SNCAIP: variants seen among roughly 807,000 people sequenced by gnomAD.
SNCAIP encodes the protein synphilin-1.
A neutral mutation model predicts 86.7 loss-of-function variants in SNCAIP; 43 were observed. The observed-to-expected ratio is 0.50, with a 90% CI of 0.39 to 0.64. SNCAIP has a LOEUF of 0.64. Ranked by LOEUF, SNCAIP falls within the 30% of genes least tolerant of loss-of-function variation. SNCAIP has a pLI of 0.00. For synonymous variants in SNCAIP, 417 were observed against 427.2 expected, an observed-to-expected ratio of 0.98 and a Z score of 0.29; for missense variants, 981 against 1,103.1, an observed-to-expected ratio of 0.89 and a Z score of 1.57.
intron 5 of SNCAIP, among the ~76,000 whole-genome samples, chr5:122,427,961 G>C (rs1274644682): frequency 6.6e-6 from 1 of 152,092 alleles, no homozygotes; most frequent in Non-Finnish European, 1.5e-5. Flanking sequence ...ACCACTTCTG[G>C]GATACCCAAG....
At chr5:122,448,545 C>T (rs1476409023) in intron 8 of SNCAIP, among the ~76,000 whole-genome samples, 1 of 142,248 alleles carries the variant, frequency 7.0e-6, no homozygotes, top group Non-Finnish European at 1.5e-5. Flanking sequence ...GAAGTATATC[C>T]TTCCATATTT....
intron 1 of SNCAIP, among the ~76,000 whole-genome samples, chr5:122,330,113 A>ATTTTTTTTT (rs1387266417): frequency 9.1e-5 from 11 of 120,358 alleles, no homozygotes; most frequent in African/African-American, 4.3e-4. Flanking sequence ...GTACAACTTC[A>ATTTTTTTTT]TTTCTTTTTT....
chr5:122,380,597 TG>T (rs1766508762), intron 1 of SNCAIP, among the ~76,000 whole-genome samples: 2 of 149,914 alleles, frequency 1.3e-5, no homozygotes, highest in South Asian at 4.4e-4. Context: ...TGAATGTGTT[TG>T]CTCTTGCTTT....
chr5:122,337,591 T>A (rs2152711848), intron 1 of SNCAIP, among the ~76,000 whole-genome samples: 1 of 152,270 alleles, frequency 6.6e-6, no homozygotes, highest in South Asian at 2.1e-4. Flanking sequence ...CAGGCTGGAG[T>A]GCAGTGGTGC....
intron 8 of SNCAIP, chr5:122,445,041 G>T (rs114146854): frequency 9.7e-6 from 4 of 410,904 alleles, no homozygotes; most frequent in Non-Finnish European, 1.8e-5. Flanking sequence ...ATTACAGAGC[G>T]CTGGAAGCAC....
At chr5:122,391,924 A>G (rs934329470) in intron 2 of SNCAIP, among the ~76,000 whole-genome samples, 2 of 152,174 alleles carry the variant, frequency 1.3e-5, no homozygotes, top group East Asian at 1.9e-4. Context: ...TGCCCCAGCA[A>G]AACTGGCTAA....
At chr5:122,374,339 C>T (rs538690777) in intron 1 of SNCAIP, among the ~76,000 whole-genome samples, 2 of 152,266 alleles carry the variant, frequency 1.3e-5, no homozygotes, top group South Asian at 4.1e-4. Flanking sequence ...GTTCTTACAG[C>T]CATCTCTTCA....
chr5:122,372,997 T>G (rs370097867), intron 1 of SNCAIP, among the ~76,000 whole-genome samples: 6 of 152,288 alleles, frequency 3.9e-5, no homozygotes, highest in Middle Eastern at 6.8e-3. Flanking sequence ...ATGTTATTGC[T>G]CTCATTTTTA....
intron 1 of SNCAIP, among the ~76,000 whole-genome samples, chr5:122,366,808 GT>G (rs1763292268): frequency 6.6e-6 from 1 of 151,652 alleles, no homozygotes; most frequent in African/African-American, 2.4e-5. Context: ...ATTCTGAAAG[GT>G]TTTCAACAGG....
At chr5:122,392,346 C>T (rs1417183811) in intron 2 of SNCAIP, among the ~76,000 whole-genome samples, 3 of 151,776 alleles carry the variant, frequency 2.0e-5, no homozygotes, top group African/African-American at 7.3e-5. Context: ...GTGGAGTGAG[C>T]TTCTTCCTTC....
intron 3 of SNCAIP, among the ~76,000 whole-genome samples, chr5:122,416,144 C>T (rs910808996): frequency 6.6e-6 from 1 of 152,228 alleles, no homozygotes; most frequent in South Asian, 2.1e-4. Flanking sequence ...AATGAGTTGT[C>T]ACTAAAACAA....
In SNCAIP at chr5:122,391,176, T is replaced by C. The variant is rs1301451595; in HGVS notation, c.42T>C (p.Phe14=). ...ACCTTGATTTGGATGAAATTGACTTTAGTGATGACATATCTGTAAGTACCA... is the reference window on the plus strand; with the variant it reads ...ACCTTGATTTGGATGAAATTGACTTCAGTGATGACATATCTGTAAGTACCA... The part of the protein sequence containing the change: ...PEYLDLDEID[F]SDDISYSVTS... Residue 14 remains phenylalanine (F), a synonymous_variant, in exon 2 of 11, where the codon TTT becomes TTC. Coordinates refer to ENST00000261368, the MANE Select transcript of SNCAIP (RefSeq NM_005460.4). The C allele has an allele frequency of 2.5e-6, 4 of 1,609,614 alleles. No homozygotes were observed. Among genetic ancestry groups the C allele is most frequent in the Non-Finnish European group, 3.4e-6 (4 of 1,176,050 alleles).
chr5:122,383,989 T>G (rs1767552094), intron 1 of SNCAIP, among the ~76,000 whole-genome samples: 1 of 152,220 alleles, frequency 6.6e-6, no homozygotes, highest in Admixed American at 6.5e-5. Flanking sequence ...CTATACACGT[T>G]TTGTTAATGA....
At chr5:122,392,548 G>A (rs1744679591) in intron 2 of SNCAIP, among the ~76,000 whole-genome samples, 1 of 152,186 alleles carries the variant, frequency 6.6e-6, no homozygotes, top group Admixed American at 6.5e-5. Context: ...TAGCATGGGT[G>A]TATGTAGGTA....
At chr5:122,377,385 T>C (rs1765549097) in intron 1 of SNCAIP, among the ~76,000 whole-genome samples, 1 of 152,150 alleles carries the variant, frequency 6.6e-6, no homozygotes, top group African/African-American at 2.4e-5. Context: ...TTTTATCTTC[T>C]CCTGCACAGC....
intron 10 of SNCAIP, chr5:122,452,877 C>A: frequency 8.4e-7 from 1 of 1,197,158 alleles, no homozygotes; most frequent in Non-Finnish European, 1.2e-6. Flanking sequence ...TGTGCATGTG[C>A]TGAGCTTGTT....
chr5:122,448,696 ATATT>A (rs1224307647), intron 8 of SNCAIP, among the ~76,000 whole-genome samples: 18 of 128,130 alleles, frequency 1.4e-4, no homozygotes, highest in Admixed American at 2.6e-4. Flanking sequence ...TATATTATAT[ATATT>A]ATATACATAT....
At chr5:122,449,168 T>C (rs1783171191) in intron 8 of SNCAIP, among the ~76,000 whole-genome samples, 1 of 152,180 alleles carries the variant, frequency 6.6e-6, no homozygotes, top group Admixed American at 6.5e-5. Flanking sequence ...ACCTTAAGCG[T>C]GTTCAGACCA....
At chr5:122,395,465 C>G (rs1770403034) in intron 2 of SNCAIP, among the ~76,000 whole-genome samples, 1 of 152,116 alleles carries the variant, frequency 6.6e-6, no homozygotes, top group Non-Finnish European at 1.5e-5. Flanking sequence ...TAATAAGTAT[C>G]CTTCCACTTT....
Sources: gnomAD v4.1 joint callset for allele counts (sites outside exome capture counted in the v4.1 genomes callset) on GRCh38, gnomAD v4.1.1 for gene constraint, MANE v1.5 for transcripts, NCBI Gene and HGNC (gene_info 2026-07-23, HGNC 2026-07-21) for gene names.